Variants in FMN2 observed in about 807,000 individuals in gnomAD.
FMN2 encodes the protein formin 2, also known as formin-2.
A neutral mutation model predicts 142.3 loss-of-function variants in FMN2; 51 were observed. The observed-to-expected ratio is 0.36, with a 90% confidence interval of 0.29 to 0.45. FMN2 has a LOEUF of 0.45. Ranked by LOEUF, FMN2 falls within the 20% of genes least tolerant of loss-of-function variation. The pLI is 1.00. For missense variants in FMN2, 1,936 were observed against 2,122.8 expected, an observed-to-expected ratio of 0.91 and a Z score of 1.73; for synonymous variants, 882 against 869.8, an observed-to-expected ratio of 1.01 and a Z score of -0.25.
intron 14 of FMN2, among the ~76,000 whole-genome samples, chr1:240,376,310 A>G (rs1673040737): frequency 6.6e-6 from 1 of 152,130 alleles, no homozygotes. Context: ...GACATTTAGA[A>G]CATTTACATT....
At chr1:240,180,242 CAT>C (rs1159514080) in intron 3 of FMN2, 2 of 1,103,832 alleles carry the variant, frequency 1.8e-6, no homozygotes, top group Non-Finnish European at 2.4e-6. Flanking sequence ...CCCCAGCAGT[CAT>C]ATAGCATTTT....
At position 240,285,683 on chromosome 1, in the gene FMN2, G is replaced by A. The variant is rs79139137; in HGVS notation, c.4154-9139G>A. Among the ~76,000 whole-genome samples the A allele has an allele frequency of 3.6e-3, 549 of 152,220 alleles. 5 individuals carry two copies. The highest frequency in any genetic ancestry group is 0.013 in the African/African-American group (530 of 41,546). On this transcript the variant is annotated intron_variant, in intron 7 of 17. Transcript: ENST00000319653. ...GGAAGCTAGGATAAATGTTTAGCAC[G>A]TGTATCGGAAGGAATTTATAACTGT...
At chr1:240,354,609 C>A (rs912745474) in intron 13 of FMN2, among the ~76,000 whole-genome samples, 1 of 152,118 alleles carries the variant, frequency 6.6e-6, no homozygotes, top group Admixed American at 6.5e-5. Context: ...GATCTGCCTA[C>A]GCTGATCTTA....
At chr1:240,245,676 G>C in intron 6 of FMN2, 1 of 459,228 alleles carries the variant, frequency 2.2e-6, no homozygotes, top group Non-Finnish European at 4.5e-6. Context: ...GGTCTCTGTT[G>C]TGACTTGTAA....
intron 2 of FMN2, among the ~76,000 whole-genome samples, chr1:240,159,794 A>G (rs532844259): frequency 1.3e-5 from 2 of 151,460 alleles, no homozygotes; most frequent in Non-Finnish European, 2.9e-5. Context: ...TAAAAAGCCC[A>G]AGTCATGGTG....
chr1:240,436,398 A>G (rs1311419081), intron 15 of FMN2, among the ~76,000 whole-genome samples: 1 of 152,210 alleles, frequency 6.6e-6, no homozygotes, highest in Non-Finnish European at 1.5e-5. Context: ...GTTTAAACAC[A>G]GAGCAGATTA....
At chr1:240,395,456 T>G (rs181782535) in intron 15 of FMN2, among the ~76,000 whole-genome samples, 231 of 152,282 alleles carry the variant, frequency 1.5e-3, no homozygotes, top group African/African-American at 5.4e-3. Context: ...CTTTAAGAGA[T>G]CTGGGTGAAG....
intron 7 of FMN2, among the ~76,000 whole-genome samples, chr1:240,271,320 G>A (rs1669005747): frequency 6.6e-6 from 1 of 151,248 alleles, no homozygotes; most frequent in Non-Finnish European, 1.5e-5. Context: ...CCATAAGAAA[G>A]TTCATTCATC....
chr1:240,163,989 C>T (rs1174172036), intron 2 of FMN2, among the ~76,000 whole-genome samples: 2 of 152,126 alleles, frequency 1.3e-5, no homozygotes, highest in Non-Finnish European at 2.9e-5. Context: ...CCTCCCACCT[C>T]AGCCTCTCAA....
intron 15 of FMN2, among the ~76,000 whole-genome samples, chr1:240,407,497 C>G (rs1026166842): frequency 6.6e-6 from 1 of 152,104 alleles, no homozygotes. Flanking sequence ...ATGACTGATT[C>G]CAGCACCGTT....
At chr1:240,148,545 A>C (rs528283880) in intron 2 of FMN2, among the ~76,000 whole-genome samples, 3 of 152,268 alleles carry the variant, frequency 2.0e-5, no homozygotes, top group East Asian at 3.9e-4. Flanking sequence ...GTTTGTCTCC[A>C]ATTGGGGTTA....
chr1:240,118,704 G>C (rs1241540193), intron 1 of FMN2, among the ~76,000 whole-genome samples: 1 of 152,146 alleles, frequency 6.6e-6, no homozygotes. Flanking sequence ...AATGTTAGCT[G>C]GAGGCAAGGG....
At chr1:240,413,829 A>G (rs924333093) in intron 15 of FMN2, among the ~76,000 whole-genome samples, 2 of 152,226 alleles carry the variant, frequency 1.3e-5, no homozygotes, top group Non-Finnish European at 2.9e-5. Context: ...AAAGAATCTA[A>G]TTAGCTTGCA....
At position 240,092,819 on chromosome 1, in the gene FMN2, C is replaced by T. The variant is rs965778842; in HGVS notation, c.710C>T (p.Thr237Ile). Reference protein sequence around the residue: ...QGAEEPAAPPTAVSPQPGAFL... With the variant: ...QGAEEPAAPPIAVSPQPGAFL... ...GCCGAGGAGCCTGCAGCGCCCCCCACTGCCGTCTCCCCTCAGCCCGGGGCC... is the reference window on the plus strand; with the variant it reads ...GCCGAGGAGCCTGCAGCGCCCCCCATTGCCGTCTCCCCTCAGCCCGGGGCC... Residue 237 changes from threonine (T) to isoleucine (I), a missense_variant, in exon 1 of 18, where the codon ACT (threonine) becomes ATT (isoleucine). Coordinates refer to ENST00000319653, the MANE Select transcript of FMN2 (RefSeq NM_020066.5). 2.4e-5 allele frequency: 38 copies of T among 1,573,986 alleles called. No individual in the cohort carries two copies. Among genetic ancestry groups the T allele is most frequent in the Non-Finnish European group, 3.1e-5 (36 of 1,160,990 alleles).
chr1:240,304,415 T>C (rs1366929360), intron 8 of FMN2, among the ~76,000 whole-genome samples: 1 of 152,216 alleles, frequency 6.6e-6, no homozygotes. Flanking sequence ...AAGTGTAAAC[T>C]TAAGGTCTTC....
intron 7 of FMN2, among the ~76,000 whole-genome samples, chr1:240,270,246 T>C (rs1164448993): frequency 6.6e-6 from 1 of 152,090 alleles, no homozygotes; most frequent in African/African-American, 2.4e-5. Context: ...TGAAACGAGT[T>C]TGCCAAGGAT....
chr1:240,121,375 A>AT lies in FMN2; in HGVS notation c.1616-1799dup, dbSNP rs1335633731. On this transcript the variant is annotated intron_variant, in intron 1 of 17. Transcript: ENST00000319653. ...CCTCAGCCAGTGTCTTATTTTTTTT[A>AT]TTTTTATTTTTTTTTTTTTGAGACG... Among the ~76,000 whole-genome samples, 985 of 142,678 alleles carry AT rather than the reference A, an allele frequency of 6.9e-3. 8 individuals carry two copies. Among genetic ancestry groups the AT allele is most frequent in the African/African-American group, 0.025 (945 of 37,132 alleles). 93.6% of individuals were successfully genotyped at this position (142,678 alleles called of 152,430 possible). A position where few individuals can be genotyped will look rare whatever the true frequency, so the allele number is the denominator to read the frequency against.
chr1:240,171,256 C>T, intron 2 of FMN2: 1 of 759,322 alleles, frequency 1.3e-6, no homozygotes, highest in Non-Finnish European at 2.5e-6. Flanking sequence ...TGAACTGTTG[C>T]ATTCTGGAAA....
intron 2 of FMN2, among the ~76,000 whole-genome samples, chr1:240,148,971 CAA>C (rs57556688): frequency 2.1e-5 from 3 of 143,848 alleles, no homozygotes; most frequent in African/African-American, 7.7e-5. Context: ...GACTCCGTCT[CAA>C]AAAAAAATAA....
Sources: gnomAD v4.1 joint callset for allele counts (sites outside exome capture counted in the v4.1 genomes callset) on GRCh38, gnomAD v4.1.1 for gene constraint, MANE v1.5 for transcripts, NCBI Gene and HGNC (gene_info 2026-07-23, HGNC 2026-07-21) for gene names.